SPATA9: variants seen among roughly 807,000 people sequenced by gnomAD.
SPATA9 encodes spermatogenesis associated 9.
In SPATA9, 27 loss-of-function variants were observed where a neutral mutation model predicts 25.5. The ratio of observed to expected loss-of-function variants is 1.06; its 90% confidence interval spans 0.78 to 1.46. The LOEUF (loss-of-function observed/expected upper bound fraction) is 1.46, where lower values mean the gene tolerates loss of function less well. Ranked by LOEUF, SPATA9 falls within the 40% of genes most tolerant of loss-of-function variation. The probability of loss-of-function intolerance (pLI) is 0.00; values close to 1 mark genes in which losing one functional copy is unlikely to be tolerated. For missense variants in SPATA9, 282 were observed against 297.5 expected, an observed-to-expected ratio of 0.95 and a Z score of 0.38; for synonymous variants, 102 against 105.7, an observed-to-expected ratio of 0.97 and a Z score of 0.21.
At chr5:95,689,409 G>A (rs1272912217) in intron 1 of SPATA9, among the ~76,000 whole-genome samples, 1 of 152,116 alleles carries the variant, frequency 6.6e-6, no homozygotes, top group Non-Finnish European at 1.5e-5. Context: ...GAATATACAT[G>A]TAAACAATTT....
At chr5:95,724,019 T>C in the SPATA9 span, among the ~76,000 whole-genome samples, 4 of 152,262 alleles carry the variant, frequency 2.6e-5, no homozygotes, top group African/African-American at 9.6e-5. Context: ...AATGTATTAA[T>C]GGTGATACGT....
the SPATA9 span, among the ~76,000 whole-genome samples, chr5:95,714,442 A>G: frequency 6.6e-6 from 1 of 152,220 alleles, no homozygotes; most frequent in Non-Finnish European, 1.5e-5. Context: ...TGAAAAAACA[A>G]AAGTGTTTTG....
downstream of SPATA9, among the ~76,000 whole-genome samples, chr5:95,653,829 C>T (rs1466884987): frequency 2.6e-5 from 4 of 152,192 alleles, no homozygotes; most frequent in Middle Eastern, 3.4e-3. Flanking sequence ...ACCTGGGAGG[C>T]GGAGGTTGCA....
the SPATA9 span, among the ~76,000 whole-genome samples, chr5:95,716,482 A>G: frequency 2.6e-5 from 4 of 152,200 alleles, no homozygotes; most frequent in African/African-American, 9.7e-5. Context: ...TCCCATTTGA[A>G]ATAGTATATT....
the SPATA9 span, among the ~76,000 whole-genome samples, chr5:95,705,081 A>T: frequency 5.3e-4 from 80 of 152,138 alleles, no homozygotes; most frequent in Admixed American, 5.0e-3. Flanking sequence ...AGCAGCTGGA[A>T]CTACAGATGC....
the SPATA9 span, among the ~76,000 whole-genome samples, chr5:95,729,419 G>A: frequency 6.6e-6 from 1 of 152,076 alleles, no homozygotes; most frequent in South Asian, 2.1e-4. Flanking sequence ...ACACTTCCAA[G>A]TTGTCAGCAA....
At chr5:95,680,165 T>C (rs1753320225) in intron 2 of SPATA9, among the ~76,000 whole-genome samples, 1 of 152,224 alleles carries the variant, frequency 6.6e-6, no homozygotes, top group Admixed American at 6.5e-5. Context: ...CCCAAAGTGC[T>C]GGGATTACAG....
chr5:95,658,813 G>T lies in SPATA9; in HGVS notation c.575C>A (p.Ala192Asp), dbSNP rs371331747. The change falls in exon 5 of 5, where the codon GCC (alanine) becomes GAC (aspartate). Residue 192 changes from alanine (A) to aspartate (D), a missense_variant. Ala to Asp is a moderately radical substitution (Grantham distance 126, BLOSUM62 -2). Coordinates refer to ENST00000274432, the MANE Select transcript of SPATA9 (RefSeq NM_031952.4). ...NREESENCRK[A>D]FSEPVLSEPM... is the part of the protein sequence containing the mutation. ...CTCCGAAAGCACAGGCTCAGAAAAG[G>T]CTTTTCTACAATTTTCACTCTCCTC... 2.2e-5 allele frequency: 35 copies of T among 1,613,894 alleles called. No homozygotes were observed. The African/African-American group carries it at 4.1e-4, about 19-fold the overall frequency.
At chr5:95,731,333 G>GGCAGCA in the SPATA9 span, 1 of 1,097,088 alleles carries the variant, frequency 9.1e-7, no homozygotes. Context: ...CAGCGGCAGC[G>GGCAGCA]GCAGCAGGAG....
rs749425599 is a variant in SPATA9 at position 95,673,752 on chromosome 5, CT to C, written c.378+1659del. Among the ~76,000 whole-genome samples the C allele has an allele frequency of 1.5e-3, 209 of 140,854 alleles. 1 individual carries two copies. The highest frequency in any genetic ancestry group is 6.9e-4 in the Non-Finnish European group (44 of 64,036). The allele number at this position is 140,854 out of a possible 152,430, so 92.4% of individuals were successfully genotyped here. A position where few individuals can be genotyped will look rare whatever the true frequency, so the allele number is the denominator to read the frequency against. ...TCCTTTTTTTTCTTTTTCTTTTTTT[CT>C]TTTTTTTTTTAGACAGAGTCTTGCT... is the stretch of plus-strand genomic sequence containing the variant. On this transcript the variant is annotated intron_variant, in intron 3 of 4. Transcript: ENST00000274432.
chr5:95,716,276 C>A, the SPATA9 span, among the ~76,000 whole-genome samples: 1 of 152,216 alleles, frequency 6.6e-6, no homozygotes, highest in Non-Finnish European at 1.5e-5. Context: ...TGAAAGCAGC[C>A]AGGAGTGGGG....
Position 95,682,828 on chromosome 5 carries a change from T to G in SPATA9, c.27A>C (p.Ile9=). Reference sequence around the variant, plus strand: ...AAAAGTTCTTCAACACCTGCCCACATATCCACCCAACAGGTTTGATTGGCA... The same window carrying G: ...AAAAGTTCTTCAACACCTGCCCACAGATCCACCCAACAGGTTTGATTGGCA... MPIKPVGW[I]CGQVLKNFSG... Residue 9 remains isoleucine (I), a synonymous_variant, in exon 1 of 5, where the codon ATA becomes ATC. Transcript: ENST00000274432. 1 of 1,548,138 alleles carries G rather than the reference T, an allele frequency of 6.5e-7. No individual in the cohort carries two copies.
chr5:95,724,639 T>C, the SPATA9 span, among the ~76,000 whole-genome samples: 1 of 152,192 alleles, frequency 6.6e-6, no homozygotes, highest in East Asian at 1.9e-4. Flanking sequence ...CTAATTTTTG[T>C]ATTTTTAGTA....
chr5:95,658,481 A>G lies in SPATA9; in HGVS notation c.*142T>C. The G allele has an allele frequency of 3.2e-6, 2 of 623,856 alleles. No homozygotes were observed. Among genetic ancestry groups the G allele is most frequent in the Non-Finnish European group, 4.4e-6 (2 of 453,634 alleles). The allele number at this position is 623,856 out of a possible 1,614,324, so 38.6% of individuals were successfully genotyped here. A position where few individuals can be genotyped will look rare whatever the true frequency, so the allele number is the denominator to read the frequency against. The stretch of plus-strand genomic sequence containing the variant: ...TACTCTATCATGTAAATACTAGAAA[A>G]TGACATTTTAATAGTAGCCCCCTTC... On this transcript the variant is annotated 3_prime_UTR_variant, in exon 5 of 5. Coordinates refer to ENST00000274432, the MANE Select transcript of SPATA9 (RefSeq NM_031952.4).
intron 3 of SPATA9, among the ~76,000 whole-genome samples, chr5:95,674,234 A>G (rs1752696281): frequency 1.3e-5 from 2 of 152,220 alleles, no homozygotes; most frequent in South Asian, 4.1e-4. Flanking sequence ...CATTAAAGAG[A>G]GACTCCAACA....
At chr5:95,709,416 A>G in the SPATA9 span, among the ~76,000 whole-genome samples, 1 of 152,022 alleles carries the variant, frequency 6.6e-6, no homozygotes, top group Non-Finnish European at 1.5e-5. Flanking sequence ...AAGGAAGGAG[A>G]CTCACCCAAT....
intron 4 of SPATA9, 132 bp from the exon 5 acceptor site, chr5:95,659,045 G>T: frequency 9.2e-7 from 1 of 1,092,154 alleles, no homozygotes; most frequent in Non-Finnish European, 1.3e-6. Context: ...CTTCTTTTCA[G>T]GACCTTCAGG....
upstream of SPATA9, among the ~76,000 whole-genome samples, chr5:95,698,949 T>C (rs1309356676): frequency 3.3e-5 from 5 of 152,056 alleles, no homozygotes; most frequent in Non-Finnish European, 7.4e-5. Flanking sequence ...AAAATCTCCC[T>C]GAGATTTGAA....
the SPATA9 span, among the ~76,000 whole-genome samples, chr5:95,710,315 GAA>G: frequency 6.6e-6 from 1 of 152,344 alleles, no homozygotes; most frequent in African/African-American, 2.4e-5. Flanking sequence ...ATGTGGGAGA[GAA>G]AGTCAAACGA....
Sources: allele counts gnomAD v4.1 joint callset (sites outside exome capture counted in the v4.1 genomes callset), GRCh38; gene constraint gnomAD v4.1.1; transcripts MANE v1.5; gene names NCBI Gene and HGNC (gene_info 2026-07-23, HGNC 2026-07-21).